The following FMN2 variants were observed in gnomAD, a reference collection of about 807,000 sequenced individuals.
The protein encoded by FMN2 is formin 2.
FMN2 carries 51 observed loss-of-function variants against 142.3 expected under a neutral mutation model. The observed-to-expected ratio is 0.36, with a 90% CI of 0.29 to 0.45. The LOEUF (loss-of-function observed/expected upper bound fraction) is 0.45. Among genes scored for constraint, FMN2 ranks in the 20% least tolerant of loss-of-function variants. The pLI is 1.00. For missense variants in FMN2, 1,936 were observed against 2,122.8 expected, an observed-to-expected ratio of 0.91 and a Z score of 1.73; for synonymous variants, 882 against 869.8, an observed-to-expected ratio of 1.01 and a Z score of -0.25.
rs1661102903 is a variant in FMN2, at chr1:240,093,829, G to T, written c.1615+105G>T. The T allele has an allele frequency of 6.9e-6, 5 of 729,190 alleles. No homozygotes were observed. The Admixed American group carries it at 2.1e-4, about 31-fold the overall frequency. The allele number at this position is 729,190 out of a possible 1,614,324, so 45.2% of individuals were successfully genotyped here. On this transcript the variant is annotated intron_variant, in intron 1 of 17. Coordinates refer to ENST00000319653, the MANE Select transcript of FMN2 (RefSeq NM_020066.5). Reference sequence around the variant, plus strand: ...GGCTCTGGAAGGCGGTGACCTGGTAGTGGCACATCTCTTCTCCGTAGGGAA... The same window carrying T: ...GGCTCTGGAAGGCGGTGACCTGGTATTGGCACATCTCTTCTCCGTAGGGAA...
chr1:240,236,757 C>T (rs969893014), intron 6 of FMN2, among the ~76,000 whole-genome samples: 1 of 152,172 alleles, frequency 6.6e-6, no homozygotes, highest in African/African-American at 2.4e-5. Flanking sequence ...GGCACAAAGC[C>T]ATTCATGAGC....
chr1:240,329,275 A>T, intron 9 of FMN2, 64 bp from the exon 10 acceptor site: 1 of 1,598,554 alleles, frequency 6.3e-7, no homozygotes, highest in South Asian at 1.1e-5. Flanking sequence ...TGTGAATGAG[A>T]TGAGGATAAA....
intron 14 of FMN2, among the ~76,000 whole-genome samples, chr1:240,363,194 T>C (rs1378752383): frequency 1.3e-5 from 2 of 152,226 alleles, no homozygotes; most frequent in Non-Finnish European, 2.9e-5. Flanking sequence ...ATGTTTCATG[T>C]TGTACTTCTG....
At chr1:240,108,360 A>G (rs1273340839) in intron 1 of FMN2, among the ~76,000 whole-genome samples, 2 of 152,178 alleles carry the variant, frequency 1.3e-5, no homozygotes, top group East Asian at 1.9e-4. Context: ...GGTAATTTCT[A>G]TTTGATCATA....
At chr1:240,112,135 C>CTT (rs869282410) in intron 1 of FMN2, among the ~76,000 whole-genome samples, 4 of 138,596 alleles carry the variant, frequency 2.9e-5, no homozygotes, top group South Asian at 2.3e-4. Context: ...CCTGCATTTT[C>CTT]TTTTTTTTTT....
chr1:240,322,036 C>G (rs1670989881), intron 8 of FMN2, among the ~76,000 whole-genome samples: 1 of 152,086 alleles, frequency 6.6e-6, no homozygotes. Flanking sequence ...GCTTATCTAT[C>G]AAATATCACA....
rs1675187789 is a variant in FMN2 at position 240,431,798 on chromosome 1, T to C, written c.4911-6263T>C. On this transcript the variant is annotated intron_variant, in intron 15 of 17. Transcript: ENST00000319653. ...CTTTCACTGTTAACACCAAATTGTA[T>C]TATGGGGGTAAACCCTAATTTGTTA... is the stretch of plus-strand genomic sequence containing the variant. Among the ~76,000 whole-genome samples, 3 of 151,870 alleles carry C rather than the reference T, an allele frequency of 2.0e-5. 1 individual carries two copies. The South Asian group carries it at 6.2e-4, about 31-fold the overall frequency.
chr1:240,164,931 A>G (rs139203369), intron 2 of FMN2, among the ~76,000 whole-genome samples: 19 of 152,268 alleles, frequency 1.2e-4, no homozygotes, highest in African/African-American at 4.1e-4. Flanking sequence ...CCAATTATAC[A>G]TAAGTTAGAG....
At chr1:240,185,598 T>A (rs1665411330) in intron 3 of FMN2, among the ~76,000 whole-genome samples, 1 of 152,260 alleles carries the variant, frequency 6.6e-6, no homozygotes, top group Admixed American at 6.5e-5. Context: ...GTTTTTCTGA[T>A]AAACTGCACT....
At chr1:240,357,757 G>A (rs575517769) in intron 14 of FMN2, among the ~76,000 whole-genome samples, 9 of 151,906 alleles carry the variant, frequency 5.9e-5, no homozygotes, top group South Asian at 2.1e-4. Context: ...ACAGGCACCC[G>A]CCACCACGCC....
chr1:240,271,947 C>A (rs1669032482), intron 7 of FMN2, among the ~76,000 whole-genome samples: 1 of 152,064 alleles, frequency 6.6e-6, no homozygotes, highest in Admixed American at 6.6e-5. Context: ...TTTTTAATGA[C>A]ATTGTTCCAT....
rs368872938 is a variant in FMN2 at position 240,460,463 on chromosome 1, GT to G, written c.5061-11908del. 3.1e-3 allele frequency among the ~76,000 whole-genome samples: 475 copies of G among 152,192 alleles called. 2 individuals are homozygous for G. The highest frequency in any genetic ancestry group is 0.011 in the African/African-American group (466 of 41,522). On this transcript the variant is annotated intron_variant, in intron 16 of 17. Transcript: ENST00000319653. ...AAAACTTAGCTGGGCGTGGTGGCAGGTGCCTGTAATCCCAGCTCCTTGGGAG... is the reference window on the plus strand; with the variant it reads ...AAAACTTAGCTGGGCGTGGTGGCAGGGCCTGTAATCCCAGCTCCTTGGGAG...
chr1:240,169,084 G>A (rs1203016422), intron 2 of FMN2, among the ~76,000 whole-genome samples: 1 of 152,158 alleles, frequency 6.6e-6, no homozygotes, highest in East Asian at 1.9e-4. Context: ...GGTGGCACAT[G>A]CCTGTAGTCC....
chr1:240,176,825 C>T (rs572127981), intron 2 of FMN2, among the ~76,000 whole-genome samples: 15 of 152,182 alleles, frequency 9.9e-5, no homozygotes, highest in Non-Finnish European at 2.2e-4. Context: ...CTGAGGCTAA[C>T]CCCAGGAATC....
At chr1:240,352,834 C>T (rs1214904378) in intron 13 of FMN2, among the ~76,000 whole-genome samples, 2 of 152,188 alleles carry the variant, frequency 1.3e-5, no homozygotes, top group African/African-American at 2.4e-5. Flanking sequence ...TTTCCAGCCA[C>T]GTGAGGCTGT....
intron 15 of FMN2, among the ~76,000 whole-genome samples, chr1:240,427,441 G>A (rs1477325543): frequency 6.6e-6 from 1 of 152,058 alleles, no homozygotes; most frequent in Non-Finnish European, 1.5e-5. Flanking sequence ...TCCTGACCTT[G>A]TGATCTGCCC....
Position 240,378,491 on chromosome 1 carries a change from TA to T in FMN2, c.4859-14019del, listed in dbSNP as rs1220779173. 3.3e-5 allele frequency among the ~76,000 whole-genome samples: 5 copies of T among 152,188 alleles called. No individual in the cohort carries two copies. The East Asian group carries it at 9.6e-4, about 29-fold the overall frequency. On this transcript the variant is annotated intron_variant, in intron 14 of 17. Transcript: ENST00000319653. The stretch of plus-strand genomic sequence containing the variant: ...TTGAGGTTAATTGGGCTTTTGGATT[TA>T]GGTGTTTATTGTGTGTATCAAATTG...
chr1:240,235,539 G>A (rs944147188), intron 6 of FMN2, among the ~76,000 whole-genome samples: 1 of 151,728 alleles, frequency 6.6e-6, no homozygotes, highest in African/African-American at 2.4e-5. Flanking sequence ...AGCCTCCCAA[G>A]TATCTGGGAT....
intron 15 of FMN2, among the ~76,000 whole-genome samples, chr1:240,425,642 G>T (rs780469467): frequency 1.1e-4 from 16 of 152,302 alleles, no homozygotes; most frequent in Non-Finnish European, 2.2e-4. Context: ...GGTTTACCCT[G>T]ATCAGGAAAG....
Sources: allele counts gnomAD v4.1 joint callset (sites outside exome capture counted in the v4.1 genomes callset), GRCh38; gene constraint gnomAD v4.1.1; transcripts MANE v1.5; gene names NCBI Gene and HGNC (gene_info 2026-07-23, HGNC 2026-07-21).